Variants in JAK1 observed in about 807,000 individuals in gnomAD.
JAK1 encodes the protein tyrosine-protein kinase JAK1.
Under a neutral mutation model 136.6 loss-of-function variants are expected in JAK1, and 16 were observed. The ratio of observed to expected loss-of-function variants is 0.12; its 90% CI spans 0.08 to 0.18. The LOEUF is 0.18. Ranked by LOEUF, JAK1 falls within the 10% of genes least tolerant of loss-of-function variation. The pLI, the probability that JAK1 is intolerant of heterozygous loss-of-function variation, is 1.00. For missense variants in JAK1, 859 were observed against 1,450.1 expected, an observed-to-expected ratio of 0.59 and a Z score of 6.62; for synonymous variants, 492 against 519.5, an observed-to-expected ratio of 0.95 and a Z score of 0.72.
At chr1:65,048,768 G>A (rs1304107590) in intron 1 of JAK1, among the ~76,000 whole-genome samples, 2 of 152,176 alleles carry the variant, frequency 1.3e-5, no homozygotes, top group African/African-American at 2.4e-5. Flanking sequence ...CCTCTGTAGC[G>A]TCGTCCCTTT....
At chr1:64,965,924 A>G (rs1646366107) in intron 1 of JAK1, among the ~76,000 whole-genome samples, 1 of 152,064 alleles carries the variant, frequency 6.6e-6, no homozygotes, top group Admixed American at 6.5e-5. Context: ...CCCGGCCGGG[A>G]GCTGGCGGTC....
intron 1 of JAK1, among the ~76,000 whole-genome samples, chr1:64,902,773 C>G (rs747319463): frequency 1.4e-4 from 21 of 152,102 alleles, no homozygotes; most frequent in Non-Finnish European, 2.8e-4. Context: ...GTGGAAGAGA[C>G]AGCTGATTGT....
At chr1:64,840,587 C>G (rs1234048018) in intron 19 of JAK1, among the ~76,000 whole-genome samples, 1 of 152,176 alleles carries the variant, frequency 6.6e-6, no homozygotes, top group Non-Finnish European at 1.5e-5. Context: ...CCTATAATCC[C>G]AGCACTTTGG....
chr1:64,901,824 C>T (rs1365653086), intron 1 of JAK1, among the ~76,000 whole-genome samples: 1 of 152,116 alleles, frequency 6.6e-6, no homozygotes, highest in Non-Finnish European at 1.5e-5. Flanking sequence ...CCCTAGCAAC[C>T]ACTGGTCTAT....
At chr1:64,923,232 T>C (rs1184270704) in intron 1 of JAK1, among the ~76,000 whole-genome samples, 2 of 152,302 alleles carry the variant, frequency 1.3e-5, no homozygotes. Context: ...TATTGTATTG[T>C]GTTTCTGGGA....
At chr1:65,014,048 A>C (rs559030195) in intron 2 of JAK1, among the ~76,000 whole-genome samples, 5 of 152,328 alleles carry the variant, frequency 3.3e-5, no homozygotes, top group African/African-American at 1.2e-4. Context: ...GCTTAACAGC[A>C]TATTACATAC....
chr1:64,835,355 T>C, intron 24 of JAK1, 41 bp downstream of exon 24: 1 of 1,089,054 alleles, frequency 9.2e-7, no homozygotes, highest in Non-Finnish European at 1.4e-6. Flanking sequence ...GAAAACATAA[T>C]AGAAATGGAG....
chr1:64,862,053 C>A (rs756430316), intron 8 of JAK1, among the ~76,000 whole-genome samples: 1 of 152,184 alleles, frequency 6.6e-6, no homozygotes, highest in Non-Finnish European at 1.5e-5. Flanking sequence ...TCTGACTTGA[C>A]AACATGCTGG....
At chr1:65,022,697 A>G (rs1178665522) in intron 2 of JAK1, among the ~76,000 whole-genome samples, 1 of 152,222 alleles carries the variant, frequency 6.6e-6, no homozygotes, top group East Asian at 1.9e-4. Flanking sequence ...AGACTTTAAC[A>G]TAGTCAATAG....
chr1:64,894,102 G>A (rs2101388198), intron 1 of JAK1, among the ~76,000 whole-genome samples: 1 of 152,278 alleles, frequency 6.6e-6, no homozygotes, highest in South Asian at 2.1e-4. Flanking sequence ...AAAGACAGAA[G>A]GACAGAGGAA....
At chr1:64,865,057 G>T in intron 7 of JAK1, 85 bp from the exon 8 acceptor site, 1 of 1,074,858 alleles carries the variant, frequency 9.3e-7, no homozygotes. Flanking sequence ...GGAAACCTAT[G>T]CAGGGCCTAG....
At chr1:65,020,999 A>G (rs561840323) in intron 2 of JAK1, among the ~76,000 whole-genome samples, 1 of 152,320 alleles carries the variant, frequency 6.6e-6, no homozygotes, top group Non-Finnish European at 1.5e-5. Context: ...TCCACACCAC[A>G]GTGACCGCAT....
intron 9 of JAK1, 183 bp downstream of exon 9, chr1:64,859,922 A>G: frequency 2.3e-6 from 1 of 431,632 alleles, no homozygotes; most frequent in South Asian, 7.3e-5. Context: ...TGCTGCAAAG[A>G]GGATGGTAGG....
intron 2 of JAK1, among the ~76,000 whole-genome samples, chr1:65,002,828 C>G (rs903363995): frequency 6.6e-6 from 1 of 152,208 alleles, no homozygotes; most frequent in Non-Finnish European, 1.5e-5. Flanking sequence ...CCCGGCCCCT[C>G]GCAGAGTCCC....
upstream of JAK1, among the ~76,000 whole-genome samples, chr1:64,966,671 G>A (rs1646389394): frequency 6.7e-6 from 1 of 149,112 alleles, no homozygotes; most frequent in Non-Finnish European, 1.5e-5. Context: ...CGCGGTCCCG[G>A]CGGAGACTCT....
chr1:64,881,656 T>C (rs1263633043), intron 3 of JAK1, among the ~76,000 whole-genome samples: 4 of 152,328 alleles, frequency 2.6e-5, no homozygotes, highest in South Asian at 2.1e-4. Context: ...ACTCATTTTC[T>C]ATAAGGTAGG....
At chr1:64,928,459 A>G (rs979088441) in intron 1 of JAK1, among the ~76,000 whole-genome samples, 2 of 152,248 alleles carry the variant, frequency 1.3e-5, no homozygotes, top group African/African-American at 4.8e-5. Flanking sequence ...TAGGTATACA[A>G]GAGTGCATTC....
At chr1:65,042,369 T>C (rs1010591748) in intron 2 of JAK1, among the ~76,000 whole-genome samples, 2 of 151,858 alleles carry the variant, frequency 1.3e-5, no homozygotes, top group Non-Finnish European at 2.9e-5. Context: ...CTTTTCATTT[T>C]CTTAGTCTTA....
At chr1:65,022,301 T>C (rs1377937695) in intron 2 of JAK1, among the ~76,000 whole-genome samples, 1 of 152,148 alleles carries the variant, frequency 6.6e-6, no homozygotes, top group Non-Finnish European at 1.5e-5. Flanking sequence ...ACATTGCCAT[T>C]TTTTTATTTT....
Sources: gnomAD v4.1 joint callset for allele counts (sites outside exome capture counted in the v4.1 genomes callset) on GRCh38, gnomAD v4.1.1 for gene constraint, MANE v1.5 for transcripts, NCBI Gene and HGNC (gene_info 2026-07-23, HGNC 2026-07-21) for gene names.